The following HCN1 variants were observed in gnomAD, a reference collection of about 807,000 sequenced individuals.
The protein encoded by HCN1 is hyperpolarization activated cyclic nucleotide gated potassium channel 1.
Under a neutral mutation model 78.9 loss-of-function variants are expected in HCN1, and 13 were observed. The observed-to-expected ratio is 0.16, with a 90% CI of 0.11 to 0.26. The LOEUF is 0.26. Ranked by LOEUF, HCN1 falls within the 10% of genes least tolerant of loss-of-function variation. HCN1 has a pLI of 1.00. For synonymous variants in HCN1, 552 were observed against 455.5 expected (o/e 1.21, Z -2.70); for missense variants, 810 against 1,154.3 (o/e 0.70, Z 4.32).
intron 1 of HCN1, among the ~76,000 whole-genome samples, chr5:45,679,134 G>A (rs1561242576): frequency 6.6e-6 from 1 of 152,016 alleles, no homozygotes; most frequent in Non-Finnish European, 1.5e-5. Flanking sequence ...AAAGCATAGT[G>A]GTTAAGATAT....
chr5:45,540,209 A>G (rs2111824976), intron 2 of HCN1, among the ~76,000 whole-genome samples: 1 of 152,212 alleles, frequency 6.6e-6, no homozygotes, highest in South Asian at 2.1e-4. Flanking sequence ...GCCAACAAAT[A>G]TAACTACAAA....
At chr5:45,376,347 TATAG>T (rs1159798806) in intron 4 of HCN1, among the ~76,000 whole-genome samples, 18 of 97,264 alleles carry the variant, frequency 1.9e-4, no homozygotes, top group African/African-American at 6.3e-4. Context: ...ATTATATATA[TATAG>T]AGAGAGAGAG....
intron 2 of HCN1, chr5:45,558,881 T>C (rs1485736015): frequency 6.6e-6 from 1 of 151,486 alleles, no homozygotes; most frequent in Non-Finnish European, 1.5e-5. Flanking sequence ...GCCTCCCAAG[T>C]AGTTAGGATT....
At chr5:45,505,489 GT>G (rs1283946537) in intron 2 of HCN1, among the ~76,000 whole-genome samples, 1 of 152,132 alleles carries the variant, frequency 6.6e-6, no homozygotes, top group African/African-American at 2.4e-5. Flanking sequence ...GTAACATGCC[GT>G]TTTGGTTGCT....
At chr5:45,361,873 T>G (rs572163049) in intron 4 of HCN1, among the ~76,000 whole-genome samples, 1 of 152,064 alleles carries the variant, frequency 6.6e-6, no homozygotes, top group Non-Finnish European at 1.5e-5. Context: ...AAGCATGTAA[T>G]TGAAAAAAAG....
intron 1 of HCN1, among the ~76,000 whole-genome samples, chr5:45,689,845 G>A (rs1322972671): frequency 6.6e-6 from 1 of 152,072 alleles, no homozygotes; most frequent in African/African-American, 2.4e-5. Context: ...ACTCTATGTT[G>A]AATGAAATGG....
chr5:45,511,246 A>G (rs183844287), intron 2 of HCN1, among the ~76,000 whole-genome samples: 261 of 152,200 alleles, frequency 1.7e-3, no homozygotes, highest in African/African-American at 5.6e-3. Flanking sequence ...TAATATAAAT[A>G]AATGATTGAA....
intron 2 of HCN1, among the ~76,000 whole-genome samples, chr5:45,561,710 G>T (rs1316251202): frequency 6.6e-6 from 1 of 152,100 alleles, no homozygotes; most frequent in East Asian, 1.9e-4. Flanking sequence ...TCACTGAAAT[G>T]ATCAATAATG....
chr5:45,687,760 T>A (rs1739836618), intron 1 of HCN1, among the ~76,000 whole-genome samples: 1 of 152,194 alleles, frequency 6.6e-6, no homozygotes, highest in South Asian at 2.1e-4. Context: ...ACCAATGCCA[T>A]ACCAAAAATA....
In HCN1 at chr5:45,420,241, C is replaced by T. The variant is rs536234305; in HGVS notation, c.1012-23531G>A. Among the ~76,000 whole-genome samples, 4 of 152,242 alleles carry T rather than the reference C, an allele frequency of 2.6e-5. No individual in the cohort carries two copies. The South Asian group carries it at 6.2e-4, about 24-fold the overall frequency. On this transcript the variant is annotated intron_variant, in intron 3 of 7. Coordinates refer to ENST00000303230, the MANE Select transcript of HCN1 (RefSeq NM_021072.4). ...CTGTTTTTTTACATCCTTCTTGCATCCTGTGGCACACTACTGATTGCTTTA... is the reference window on the plus strand; with the variant it reads ...CTGTTTTTTTACATCCTTCTTGCATTCTGTGGCACACTACTGATTGCTTTA...
At chr5:45,342,656 A>G (rs1416253549) in intron 5 of HCN1, among the ~76,000 whole-genome samples, 4 of 152,176 alleles carry the variant, frequency 2.6e-5, no homozygotes, top group Non-Finnish European at 5.9e-5. Context: ...AACCAATAGC[A>G]GATATTTAGC....
At chr5:45,303,938 A>C in intron 5 of HCN1, 99 bp from the exon 6 acceptor site, 1 of 1,057,048 alleles carries the variant, frequency 9.5e-7, no homozygotes, top group Non-Finnish European at 1.4e-6. Context: ...TAACATTGTA[A>C]TTTAAATTTA....
At chr5:45,553,285 C>T (rs1384732) in intron 2 of HCN1, among the ~76,000 whole-genome samples, 75,291 of 151,466 alleles carry the variant, frequency 0.5, 19,907 homozygotes, top group African/African-American at 0.68. Context: ...AATCATTTAC[C>T]GTCCCCTAGA....
chr5:45,457,742 G>A (rs572504953), intron 3 of HCN1, among the ~76,000 whole-genome samples: 6 of 152,214 alleles, frequency 3.9e-5, no homozygotes, highest in East Asian at 1.9e-4. Flanking sequence ...CCCCTACCAC[G>A]GCATAAGGAT....
At chr5:45,327,775 T>G (rs1371374368) in intron 5 of HCN1, among the ~76,000 whole-genome samples, 1 of 151,558 alleles carries the variant, frequency 6.6e-6, no homozygotes, top group Non-Finnish European at 1.5e-5. Flanking sequence ...AGAGGAAATT[T>G]GGACACACAG....
In HCN1 at chr5:45,255,257, C is replaced by G. The variant is rs534158109; in HGVS notation, c.*6664G>C. 6.6e-6 allele frequency: 1 copy of G among 152,176 alleles called. No individual in the cohort carries two copies. The highest frequency in any genetic ancestry group is 2.4e-5 in the African/African-American group (1 of 41,442). 9.4% of individuals were successfully genotyped at this position (152,176 alleles called of 1,614,324 possible). On this transcript the variant is annotated 3_prime_UTR_variant, in exon 8 of 8. Coordinates refer to ENST00000303230, the MANE Select transcript of HCN1 (RefSeq NM_021072.4). ...GTTGCTTGTGTTTATTTAATGTTCT[C>G]TCGCTTTCCTTGTCTAGCCAAGATC...
chr5:45,320,909 A>C (rs1406431732), intron 5 of HCN1, among the ~76,000 whole-genome samples: 1 of 151,810 alleles, frequency 6.6e-6, no homozygotes, highest in Non-Finnish European at 1.5e-5. Flanking sequence ...TAACATCTCT[A>C]CTTTCTACAA....
chr5:45,649,063 T>G (rs1041874217), intron 1 of HCN1, among the ~76,000 whole-genome samples: 1 of 151,950 alleles, frequency 6.6e-6, no homozygotes, highest in Non-Finnish European at 1.5e-5. Context: ...AGAGGGCACT[T>G]GCTCATGCTT....
At chr5:45,524,919 C>T (rs562503582) in intron 2 of HCN1, among the ~76,000 whole-genome samples, 135 of 152,244 alleles carry the variant, frequency 8.9e-4, no homozygotes, top group African/African-American at 3.2e-3. Flanking sequence ...TGAGAGAGGG[C>T]ATCTCTGTCT....
Sources: gnomAD v4.1 joint callset for allele counts (sites outside exome capture counted in the v4.1 genomes callset) on GRCh38, gnomAD v4.1.1 for gene constraint, MANE v1.5 for transcripts, NCBI Gene and HGNC (gene_info 2026-07-23, HGNC 2026-07-21) for gene names.